Variants in COL20A1 observed in about 807,000 individuals in gnomAD.
COL20A1 encodes the protein collagen alpha-1(XX) chain.
A neutral mutation model predicts 152.9 loss-of-function variants in COL20A1; 164 were observed. The ratio of observed to expected loss-of-function variants is 1.07; its 90% CI spans 0.94 to 1.22. The LOEUF is 1.22. COL20A1 is among the 50% of genes most tolerant of loss of function. The pLI, the probability that COL20A1 is intolerant of heterozygous loss-of-function variation, is 0.00. For synonymous variants in COL20A1, 864 were observed against 756.0 expected, an observed-to-expected ratio of 1.14 and a Z score of -2.34; for missense variants, 1,873 against 1,744.8, an observed-to-expected ratio of 1.07 and a Z score of -1.31.
At chr20:63,329,332 C>T in intron 34 of COL20A1, 2 of 561,422 alleles carry the variant, frequency 3.6e-6, no homozygotes, top group East Asian at 3.1e-5. Flanking sequence ...GGGTGACAGG[C>T]ACTATCACAG....
At position 63,310,388 on chromosome 20, in the gene COL20A1, T is replaced by A. The variant is rs1363063471; in HGVS notation, c.1271T>A (p.Val424Glu). 1.2e-6 allele frequency: 2 copies of A among 1,610,880 alleles called. No individual in the cohort carries two copies. The highest frequency in any genetic ancestry group is 1.7e-5 in the Admixed American group (1 of 59,852). ...TTGCCCACTCTGTTCCAGGTGGTGGTGGAGGGACCCGCCGCCTCCACGGAG... is the reference window on the plus strand; with the variant it reads ...TTGCCCACTCTGTTCCAGGTGGTGGAGGAGGGACCCGCCGCCTCCACGGAG... ...SRGGTPREVV[V>E]EGPAASTELH... is the part of the protein sequence containing the mutation. The change falls in exon 11 of 36, where the codon GTG becomes GAG. Residue 424 changes from valine (V) to glutamate (E), a missense_variant. By Grantham distance (121) the Val-to-Glu change is moderately radical. Coordinates refer to ENST00000358894, the MANE Select transcript of COL20A1 (RefSeq NM_020882.4).
chr20:63,309,311 C>T, intron 8 of COL20A1, 22 bp from the exon 9 acceptor site: 1 of 1,441,120 alleles, frequency 6.9e-7, no homozygotes, highest in Non-Finnish European at 9.2e-7. Context: ...CAGGCCAACC[C>T]CACCTCCCTC....
At chr20:63,296,854 T>C (rs2067800455) in intron 2 of COL20A1, among the ~76,000 whole-genome samples, 1 of 151,654 alleles carries the variant, frequency 6.6e-6, no homozygotes, top group Non-Finnish European at 1.5e-5. Flanking sequence ...CCCCTGCTCT[T>C]CCCCCCGAGC....
chr20:63,312,505 A>C lies in COL20A1; in HGVS notation c.1889A>C (p.Tyr630Ser), dbSNP rs1425292617. 1.4e-5 allele frequency: 23 copies of C among 1,607,020 alleles called. No individual in the cohort carries two copies. The highest frequency in any genetic ancestry group is 1.8e-5 in the Non-Finnish European group (21 of 1,178,050). Residue 630 changes from tyrosine (Y) to serine (S), a missense_variant, in exon 15 of 36, where the codon TAC (tyrosine) becomes TCC (serine). Coordinates refer to ENST00000358894, the MANE Select transcript of COL20A1 (RefSeq NM_020882.4). ...TACACTGTCCGTGTCACCTGCCTCT[A>C]CCCTGGGGGTGGCTCCTCTACGCTG... ...TTYTVRVTCLYPGGGSSTLTG... is the reference protein window; with the variant it reads ...TTYTVRVTCLSPGGGSSTLTG...
intron 11 of COL20A1, 59 bp downstream of exon 11, chr20:63,310,569 C>T (rs982137636): frequency 1.3e-5 from 19 of 1,506,780 alleles, no homozygotes; most frequent in African/African-American, 1.4e-5. Flanking sequence ...CACGGCTGTC[C>T]CTTGGAGCCT....
rs752150049 is a variant in COL20A1 at position 63,308,053 on chromosome 20, G to A, written c.738G>A (p.Val246=). ...LSTKEQVLAA[V]RRLRYKGGNT... is the part of the protein sequence containing the mutation. ...CCAAGGAACAGGTGCTGGCAGCTGTGCGCCGCCTCCGCTACAAGGGGGGGA... is the reference window on the plus strand; with the variant it reads ...CCAAGGAACAGGTGCTGGCAGCTGTACGCCGCCTCCGCTACAAGGGGGGGA... The change falls in exon 7 of 36, where the codon GTG becomes GTA. Residue 246 remains valine, a synonymous_variant. Coordinates refer to ENST00000358894, the MANE Select transcript of COL20A1 (RefSeq NM_020882.4). 2.5e-6 allele frequency: 4 copies of A among 1,612,332 alleles called. No homozygotes were observed. In the Admixed American group the frequency reaches 5.0e-5, roughly 20 times the overall value.
chr20:63,312,680 C>T (rs2068025802), intron 15 of COL20A1, 112 bp from the exon 16 acceptor site: 15 of 1,459,794 alleles, frequency 1.0e-5, no homozygotes, highest in South Asian at 9.5e-5. Flanking sequence ...GATGGGCACC[C>T]GGACGGGTGT....
At position 63,305,543 on chromosome 20, in the gene COL20A1, C is replaced by A. The variant is rs371961933; in HGVS notation, c.320C>A (p.Ala107Asp). ...ELTGSGRFLL[A>D]RREFVIEDLK... ...ACTGGCTCTGGGCGCTTCCTGCTAG[C>A]TCGGAGGGAGTTTGTGAGTAAGTCC... is the stretch of plus-strand genomic sequence containing the variant. The change falls in exon 4 of 36, where the codon GCT (alanine) becomes GAT (aspartate). Residue 107 changes from alanine (A) to aspartate (D), a missense_variant. By Grantham distance (126) the Ala-to-Asp change is moderately radical. Transcript: ENST00000358894. The surrounding 1 kb of genome is among the most constrained non-coding windows in gnomAD (Gnocchi z 4.9). The A allele has an allele frequency of 3.1e-6, 5 of 1,600,760 alleles. No individual in the cohort carries two copies. Among genetic ancestry groups the A allele is most frequent in the African/African-American group, 1.3e-5 (1 of 74,232 alleles).
rs1035786127 is a variant in COL20A1, at chr20:63,307,610, T to A, written c.617T>A (p.Ile206Asn). The A allele has an allele frequency of 1.2e-6, 2 of 1,612,436 alleles. No homozygotes were observed. Among genetic ancestry groups the A allele is most frequent in the African/African-American group, 2.7e-5 (2 of 74,916 alleles). Residue 206 changes from isoleucine to asparagine, a missense_variant, in exon 6 of 36, where the codon ATC becomes AAC. Ile to Asn is a moderately radical substitution (Grantham distance 149, BLOSUM62 -3). Coordinates refer to ENST00000358894, the MANE Select transcript of COL20A1 (RefSeq NM_020882.4). ...GTCAAGGACTTCCTGGCCAGTGTCATCGCACCCTTTGAAATCGGGCCGGAT... is the reference window on the plus strand; with the variant it reads ...GTCAAGGACTTCCTGGCCAGTGTCAACGCACCCTTTGAAATCGGGCCGGAT... ...QQVKDFLASV[I>N]APFEIGPDKV...
chr20:63,327,656 C>T (rs1238777915), intron 31 of COL20A1: 10 of 482,092 alleles, frequency 2.1e-5, no homozygotes, highest in Non-Finnish European at 2.3e-5. Flanking sequence ...GGGCAGTGTC[C>T]CACACCCGCC....
intron 20 of COL20A1, 94 bp downstream of exon 20, chr20:63,315,533 G>A (rs2068073219): frequency 1.7e-6 from 2 of 1,155,308 alleles, no homozygotes; most frequent in South Asian, 3.0e-5. Flanking sequence ...CTGGGACCCA[G>A]TGGTGGTGCA....
At chr20:63,297,348 C>CCAGGGGACCCAGCT (rs2067809080) in intron 2 of COL20A1, among the ~76,000 whole-genome samples, 1 of 149,950 alleles carries the variant, frequency 6.7e-6, no homozygotes, top group Non-Finnish European at 1.5e-5. Flanking sequence ...GGGACCCAGC[C>CCAGGGGACCCAGCT]CAGGGGACCC....
At chr20:63,303,704 G>C (rs1170819746) in intron 3 of COL20A1, among the ~76,000 whole-genome samples, 1 of 152,190 alleles carries the variant, frequency 6.6e-6, no homozygotes, top group Non-Finnish European at 1.5e-5. Context: ...GTCACTCCCT[G>C]GCGCGGGGCT....
rs916649607 is a variant in COL20A1 at position 63,313,483 on chromosome 20, C to T, written c.2209+234C>T. Among the ~76,000 whole-genome samples the T allele has an allele frequency of 6.6e-6, 1 of 152,154 alleles. No individual in the cohort carries two copies. Among genetic ancestry groups the T allele is most frequent in the Non-Finnish European group, 1.5e-5 (1 of 68,020 alleles). On this transcript the variant is annotated intron_variant, in intron 17 of 35. Coordinates refer to ENST00000358894, the MANE Select transcript of COL20A1 (RefSeq NM_020882.4). The surrounding 1 kb of genome is among the most constrained non-coding windows in gnomAD (Gnocchi z 5.9). ...CCACCTAGTGTCCCGCAGGGCAGCC[C>T]AGGCAGCAGCCCTGGTTGGGGGTAT...
In COL20A1 at chr20:63,312,466, C is replaced by G; in HGVS notation, c.1850C>G (p.Ser617Cys). The part of the protein sequence containing the change: ...NATSATLGPL[S>C]SSTTYTVRVT... ...ACCTCGGCCACGCTGGGGCCTCTCTCTTCCTCCACCACCTACACTGTCCGT... is the reference window on the plus strand; with the variant it reads ...ACCTCGGCCACGCTGGGGCCTCTCTGTTCCTCCACCACCTACACTGTCCGT... The change falls in exon 15 of 36, where the codon TCT becomes TGT. Residue 617 changes from serine (S) to cysteine (C), a missense_variant. Physicochemically the swap from Ser to Cys is moderately radical, Grantham distance 112. Coordinates refer to ENST00000358894, the MANE Select transcript of COL20A1 (RefSeq NM_020882.4). 6.2e-7 allele frequency: 1 copy of G among 1,608,480 alleles called. No homozygotes were observed. The highest frequency in any genetic ancestry group is 1.1e-5 in the South Asian group (1 of 90,778).
rs2067922797 is a variant in COL20A1, at chr20:63,306,118, G to T, written c.496+79G>T. 1.5e-6 allele frequency: 2 copies of T among 1,342,396 alleles called. No homozygotes were observed. Among genetic ancestry groups the T allele is most frequent in the Non-Finnish European group, 2.0e-6 (2 of 981,722 alleles). 83.2% of individuals were successfully genotyped at this position (1,342,396 alleles called of 1,614,324 possible). A position where few individuals can be genotyped will look rare whatever the true frequency, so the allele number is the denominator to read the frequency against. On this transcript the variant is annotated intron_variant, in intron 5 of 35. Transcript: ENST00000358894. This position sits in a 1 kb window ranked among gnomAD's most constrained non-coding sequence, Gnocchi z 6.9. The stretch of plus-strand genomic sequence containing the variant: ...TCCCACATTTCCCACCATGAGGCCA[G>T]GAAGTTCTTCCTCGTGTCTGACCAC...
chr20:63,320,885 C>T, intron 25 of COL20A1, 128 bp from the exon 26 acceptor site: 1 of 694,384 alleles, frequency 1.4e-6, no homozygotes, highest in Non-Finnish European at 2.4e-6. Flanking sequence ...TGACCTTCGC[C>T]CCTGCCTCCC....
chr20:63,308,981 A>T (rs1189859171), intron 8 of COL20A1, among the ~76,000 whole-genome samples: 1 of 151,806 alleles, frequency 6.6e-6, no homozygotes, highest in East Asian at 1.9e-4. Flanking sequence ...TTCACTGAGC[A>T]GCTCCAGCTG....
chr20:63,304,069 A>C (rs191473001), intron 3 of COL20A1, among the ~76,000 whole-genome samples: 8 of 133,954 alleles, frequency 6.0e-5, no homozygotes, highest in Admixed American at 3.0e-4. Flanking sequence ...CCCAGTGTGC[A>C]GGTGTGGGCT....
Sources: gnomAD v4.1 joint callset for allele counts (sites outside exome capture counted in the v4.1 genomes callset) on GRCh38, gnomAD v4.1.1 for gene constraint, Gnocchi (gnomAD v3.1) non-coding constraint, MANE v1.5 for transcripts, NCBI Gene and HGNC (gene_info 2026-07-23, HGNC 2026-07-21) for gene names.